ABCD4: variants seen among roughly 807,000 people sequenced by gnomAD.
ABCD4 encodes the protein ATP binding cassette subfamily D member 4.
ABCD4 carries 53 observed loss-of-function variants against 86.3 expected under a neutral mutation model. The ratio of observed to expected loss-of-function variants is 0.61; its 90% confidence interval spans 0.49 to 0.77. ABCD4 has a LOEUF of 0.77. Ranked by LOEUF, ABCD4 falls within the 30% of genes least tolerant of loss-of-function variation. ABCD4 has a pLI of 0.00. For missense variants in ABCD4, 757 were observed against 764.5 expected (o/e 0.99, Z 0.12); for synonymous variants, 328 against 313.6 (o/e 1.05, Z -0.49).
In ABCD4 at chr14:74,288,223, G is replaced by C; in HGVS notation, c.1543C>G (p.Gln515Glu). ...LVARTEGLDQ[Q>E]VDWNWYDVLS... ...TTTTCTTACCAGTTCCAGTCCACCT[G>C]CTGGTCCAGGCCCTCTGTCCTTGCC... Residue 515 changes from glutamine (Q) to glutamate (E), a missense_variant, in exon 16 of 19, where the codon CAG becomes GAG. Gln to Glu is a conservative substitution (Grantham distance 29, BLOSUM62 2). Transcript: ENST00000356924. The C allele has an allele frequency of 6.2e-7, 1 of 1,612,174 alleles. No homozygotes were observed. The highest frequency in any genetic ancestry group is 2.2e-5 in the East Asian group (1 of 44,856).
chr14:74,301,679 G>A (rs76278972), intron 1 of ABCD4, among the ~76,000 whole-genome samples: 2 of 148,476 alleles, frequency 1.3e-5, no homozygotes, highest in East Asian at 4.1e-4. Context: ...GGCCGAGGCG[G>A]GTGGATCACC....
intron 13 of ABCD4, 31 bp from the exon 14 acceptor site, chr14:74,289,550 G>C: frequency 2.5e-6 from 4 of 1,612,102 alleles, no homozygotes; most frequent in Non-Finnish European, 2.5e-6. Context: ...CACCAACCTA[G>C]GAGGGCGAGC....
chr14:74,293,278 G>C (rs1264880770), intron 7 of ABCD4, 30 bp from the exon 8 acceptor site: 1 of 1,609,208 alleles, frequency 6.2e-7, no homozygotes, highest in Non-Finnish European at 8.5e-7. Flanking sequence ...ATGTCCACAG[G>C]GCTGGAGAGG....
intron 8 of ABCD4, 117 bp downstream of exon 8, chr14:74,293,037 G>C: frequency 6.9e-7 from 1 of 1,444,212 alleles, no homozygotes; most frequent in East Asian, 2.3e-5. Flanking sequence ...CCTCATCCCC[G>C]GTTAATTCCT....
rs2083317159 is a variant in ABCD4 at position 74,298,009 on chromosome 14, T to C, written c.346A>G (p.Thr116Ala). The change falls in exon 4 of 19, where the codon ACT (threonine) becomes GCT (alanine). Residue 116 changes from threonine to alanine, a missense_variant. Transcript: ENST00000356924. Reference sequence around the variant, plus strand: ...AAGTAGAGGCGGTGAAGGTGCTCAGTGAGGTCCTTCCTCCAGCTCACATAC... The same window carrying C: ...AAGTAGAGGCGGTGAAGGTGCTCAGCGAGGTCCTTCCTCCAGCTCACATAC... ...LLYVSWRKDL[T>A]EHLHRLYFRG... The C allele has an allele frequency of 2.5e-6, 4 of 1,613,906 alleles. No individual in the cohort carries two copies. In the South Asian group the frequency reaches 3.3e-5, roughly 13 times the overall value.
chr14:74,293,321 T>C, intron 7 of ABCD4, 73 bp from the exon 8 acceptor site: 1 of 1,381,014 alleles, frequency 7.2e-7, no homozygotes, highest in South Asian at 1.2e-5. Context: ...CTGTCCCATA[T>C]CACACCCTCC....
At chr14:74,293,381 T>C in intron 7 of ABCD4, 133 bp from the exon 8 acceptor site, 3 of 722,508 alleles carry the variant, frequency 4.2e-6, no homozygotes, top group Non-Finnish European at 6.8e-6. Context: ...ATCTGTCTAC[T>C]GGTAGCGCCC....
rs752102877 is a variant in ABCD4 at position 74,292,767 on chromosome 14, A to C, written c.917T>G (p.Leu306Arg). ...TCTCACCTTGCTGACCAGGGTGCTAAGCTCTGCGGGACTCAGGTCTCCATA... is the reference window on the plus strand; with the variant it reads ...TCTCACCTTGCTGACCAGGGTGCTACGCTCTGCGGGACTCAGGTCTCCATA... ...GVYGDLSPAE[L>R]STLVSKNAFV... Residue 306 changes from leucine (L) to arginine (R), a missense_variant, in exon 9 of 19, where the codon CTT becomes CGT. By Grantham distance (102) the Leu-to-Arg change is moderately radical (BLOSUM62 -2). Transcript: ENST00000356924. 6.2e-7 allele frequency: 1 copy of C among 1,614,092 alleles called. No individual in the cohort carries two copies. The highest frequency in any genetic ancestry group is 1.7e-5 in the Admixed American group (1 of 60,014).
At chr14:74,292,087 C>A (rs72730108) in intron 11 of ABCD4, among the ~76,000 whole-genome samples, 200 bp downstream of exon 11, 1 of 151,992 alleles carries the variant, frequency 6.6e-6, no homozygotes, top group East Asian at 1.9e-4. Context: ...TTCCACTGGC[C>A]GGGGAATGGT....
intron 11 of ABCD4, among the ~76,000 whole-genome samples, chr14:74,291,368 T>A (rs1392151520): frequency 1.3e-5 from 2 of 152,172 alleles, no homozygotes; most frequent in Non-Finnish European, 2.9e-5. Flanking sequence ...GTCTCAAATA[T>A]CATCACAGAT....
chr14:74,301,139 C>A (rs986305602), intron 1 of ABCD4, among the ~76,000 whole-genome samples: 1 of 150,178 alleles, frequency 6.7e-6, no homozygotes, highest in African/African-American at 2.5e-5. Context: ...CAGGCGTGAG[C>A]CACCGCGCCT....
intron 14 of ABCD4, 136 bp downstream of exon 14, chr14:74,289,347 G>C (rs1209174601): frequency 6.8e-7 from 1 of 1,469,512 alleles, no homozygotes; most frequent in African/African-American, 1.4e-5. Context: ...CAAAGGAAGA[G>C]GAGAGGAGCC....
chr14:74,301,010 G>A (rs372109373), intron 1 of ABCD4, among the ~76,000 whole-genome samples: 3 of 151,996 alleles, frequency 2.0e-5, no homozygotes, highest in East Asian at 1.9e-4. Context: ...ATGCCACCAC[G>A]CCCGGCTAAT....
chr14:74,289,618 G>C, intron 13 of ABCD4, 99 bp from the exon 14 acceptor site: 2 of 1,544,096 alleles, frequency 1.3e-6, no homozygotes, highest in Non-Finnish European at 1.7e-6. Context: ...AACCTCCCAA[G>C]GAGGAGAGGT....
intron 4 of ABCD4, chr14:74,296,721 A>G (rs867714263): frequency 1.2e-5 from 5 of 420,562 alleles, no homozygotes; most frequent in African/African-American, 8.1e-5. Context: ...CAGGGGCCTG[A>G]GCCAGCTCTG....
At chr14:74,298,428 C>A (rs895852396) in intron 3 of ABCD4, among the ~76,000 whole-genome samples, 1 of 152,124 alleles carries the variant, frequency 6.6e-6, no homozygotes, top group African/African-American at 2.4e-5. Context: ...TGCACCACCA[C>A]GCCCAGCTAA....
chr14:74,294,772 G>A (rs59461095), intron 7 of ABCD4: 10,399 of 206,654 alleles, frequency 0.05, 1,115 homozygotes, highest in African/African-American at 0.22. Context: ...CCCACGCTAC[G>A]GAGACAAAGG....
intron 3 of ABCD4, among the ~76,000 whole-genome samples, chr14:74,298,491 G>C (rs1331352669): frequency 1.3e-5 from 2 of 152,208 alleles, no homozygotes; most frequent in East Asian, 3.9e-4. Context: ...GGCTGGTCTG[G>C]AACTCCCGAC....
At position 74,300,228 on chromosome 14, in the gene ABCD4, T is replaced by A. The variant is rs772998712; in HGVS notation, c.79A>T (p.Ile27Leu). The change falls in exon 2 of 19, where the codon ATA (isoleucine) becomes TTA (leucine). Residue 27 changes from isoleucine to leucine, a missense_variant. Coordinates refer to ENST00000356924, the MANE Select transcript of ABCD4 (RefSeq NM_005050.4). ...CAAGAAGGAAACAAAACCTTCAGTA[T>A]CTGCAGGAACCGCTGGAGAAATTGC... Reference protein sequence around the residue: ...DLQFLQRFLQILKVLFPSWSS... With the variant: ...DLQFLQRFLQLLKVLFPSWSS... 4 of 1,613,750 alleles carry A rather than the reference T, an allele frequency of 2.5e-6. No homozygotes were observed. The Admixed American group carries it at 5.0e-5, about 20-fold the overall frequency.
Sources: gnomAD v4.1 joint callset for allele counts (sites outside exome capture counted in the v4.1 genomes callset) on GRCh38, gnomAD v4.1.1 for gene constraint, MANE v1.5 for transcripts, NCBI Gene and HGNC (gene_info 2026-07-23, HGNC 2026-07-21) for gene names.